Variants in EXOC8 observed in about 807,000 individuals in gnomAD.
EXOC8 encodes the protein exocyst complex component 8, also known as exocyst complex 84 kDa subunit.
EXOC8 carries 19 observed loss-of-function variants against 50.8 expected under a neutral mutation model. The observed-to-expected ratio is 0.37, with a 90% CI of 0.26 to 0.55. EXOC8 has a LOEUF of 0.55. Among genes scored for constraint, EXOC8 ranks in the 20% least tolerant of loss-of-function variants. The probability of loss-of-function intolerance (pLI) is 0.80; values close to 1 mark genes in which losing one functional copy is unlikely to be tolerated. For synonymous variants in EXOC8, 384 were observed against 367.9 expected, an observed-to-expected ratio of 1.04 and a Z score of -0.50; for missense variants, 781 against 915.8, an observed-to-expected ratio of 0.85 and a Z score of 1.90.
Position 231,336,791 on chromosome 1 carries a change from C to T in EXOC8, c.955G>A (p.Glu319Lys), listed in dbSNP as rs144793875. The T allele has an allele frequency of 9.3e-6, 15 of 1,613,760 alleles. No homozygotes were observed. The highest frequency in any genetic ancestry group is 1.7e-5 in the Admixed American group (1 of 59,990). The change falls in exon 1 of 1, where the codon GAA becomes AAA. Residue 319 changes from glutamate (E) to lysine (K), a missense_variant. Glu to Lys is a moderately conservative substitution (Grantham distance 56). This residue lies in a region of EXOC8 where 700 missense variants were observed against 804.1 expected (regional missense o/e 0.87). Transcript: ENST00000366645. The surrounding 1 kb of genome is among the most constrained non-coding windows in gnomAD (Gnocchi z 5.4). ...TCCTCTACCTCAGGAACAGCTGGTT[C>T]TTCTTCTTCGTCATCCTCAAATGGG... ...TNPFEDDEEE[E>K]PAVPEVEEEK...
chr1:231,334,107 A>G lies in EXOC8; in HGVS notation c.*1461T>C, dbSNP rs1686616426. ...ATTTCTTTAGTTATTTTGTTTTACT[A>G]AACAATTTGAAGTAAGCATTATATT... On this transcript the variant is annotated 3_prime_UTR_variant, in exon 1 of 1. Coordinates refer to ENST00000366645, the MANE Select transcript of EXOC8 (RefSeq NM_175876.5). The G allele has an allele frequency of 6.6e-6, 1 of 152,262 alleles. No homozygotes were observed. Among genetic ancestry groups the G allele is most frequent in the Non-Finnish European group, 1.5e-5 (1 of 68,046 alleles). 9.4% of individuals were successfully genotyped at this position (152,262 alleles called of 1,614,324 possible).
Position 231,334,083 on chromosome 1 carries a change from T to C in EXOC8, c.*1485A>G, listed in dbSNP as rs1361096974. The C allele has an allele frequency of 6.6e-6, 1 of 152,238 alleles. No individual in the cohort carries two copies. The highest frequency in any genetic ancestry group is 2.4e-5 in the African/African-American group (1 of 41,458). 9.4% of individuals were successfully genotyped at this position (152,238 alleles called of 1,614,324 possible). Reference sequence around the variant, plus strand: ...GTTTAGAAACCTTGGGAAGCTCACATTTCTTTAGTTATTTTGTTTTACTAA... The same window carrying C: ...GTTTAGAAACCTTGGGAAGCTCACACTTCTTTAGTTATTTTGTTTTACTAA... On this transcript the variant is annotated 3_prime_UTR_variant, in exon 1 of 1. Transcript: ENST00000366645.
In EXOC8 at chr1:231,336,043, T is replaced by C; in HGVS notation, c.1703A>G (p.His568Arg). Residue 568 changes from histidine to arginine, a missense_variant, in exon 1 of 1, where the codon CAT (histidine) becomes CGT (arginine). Coordinates refer to ENST00000366645, the MANE Select transcript of EXOC8 (RefSeq NM_175876.5). The surrounding 1 kb of genome is among the most constrained non-coding windows in gnomAD (Gnocchi z 5.4). The stretch of plus-strand genomic sequence containing the variant: ...CCTCCACATCTCTTCAGAGTTGCGA[T>C]GTTTAGTGGCTTCAATGATGATTTC... ...YKEIIIEATK[H>R]RNSEEMWRRM... is the part of the protein sequence containing the mutation. 1 of 1,614,214 alleles carries C rather than the reference T, an allele frequency of 6.2e-7. No individual in the cohort carries two copies. Among genetic ancestry groups the C allele is most frequent in the Non-Finnish European group, 8.5e-7 (1 of 1,180,050 alleles).
chr1:231,336,127 G>A lies in EXOC8; in HGVS notation c.1619C>T (p.Thr540Ile). 1.2e-6 allele frequency: 2 copies of A among 1,614,180 alleles called. No individual in the cohort carries two copies. The highest frequency in any genetic ancestry group is 1.7e-6 in the Non-Finnish European group (2 of 1,180,042). ...CACCAGAAGGGCATGGATGATGAAG[G>A]TGAGATCCAGTCCGATATCACCCAG... is the stretch of plus-strand genomic sequence containing the variant. The part of the protein sequence containing the change: ...QQLGDIGLDL[T>I]FIIHALLVKD... Residue 540 changes from threonine to isoleucine, a missense_variant, in exon 1 of 1, where the codon ACC (threonine) becomes ATC (isoleucine). By Grantham distance (89) the Thr-to-Ile change is moderately conservative (BLOSUM62 -1). Coordinates refer to ENST00000366645, the MANE Select transcript of EXOC8 (RefSeq NM_175876.5). This position sits in a 1 kb window ranked among gnomAD's most constrained non-coding sequence, Gnocchi z 5.4.
chr1:231,337,147 A>C lies in EXOC8; in HGVS notation c.599T>G (p.Leu200Arg), dbSNP rs1275567559. 6.2e-7 allele frequency: 1 copy of C among 1,614,050 alleles called. No individual in the cohort carries two copies. The highest frequency in any genetic ancestry group is 8.5e-7 in the Non-Finnish European group (1 of 1,180,040). ...VEYDADHMAQ[L>R]QRVHGFLMND... ...CATGAGAAAGCCGTGCACCCGCTGCAGTTGGGCCATGTGGTCCGCATCGTA... is the reference window on the plus strand; with the variant it reads ...CATGAGAAAGCCGTGCACCCGCTGCCGTTGGGCCATGTGGTCCGCATCGTA... Residue 200 changes from leucine (L) to arginine (R), a missense_variant, in exon 1 of 1, where the codon CTG becomes CGG. By Grantham distance (102) the Leu-to-Arg change is moderately radical. Transcript: ENST00000366645. The surrounding 1 kb of genome is among the most constrained non-coding windows in gnomAD (Gnocchi z 5.9).
Sources: allele counts gnomAD v4.1 joint callset, GRCh38; gene constraint gnomAD v4.1.1; regional missense constraint gnomAD v4.1.1; non-coding constraint Gnocchi (gnomAD v3.1); transcripts MANE v1.5; gene names NCBI Gene and HGNC (gene_info 2026-07-23, HGNC 2026-07-21).